NOTCH2: variants seen among roughly 807,000 people sequenced by gnomAD.
NOTCH2 encodes the protein notch receptor 2.
Under a neutral mutation model 235.8 loss-of-function variants are expected in NOTCH2, and 29 were observed. The observed-to-expected ratio is 0.12, with a 90% CI of 0.09 to 0.17. The LOEUF is 0.17. Among genes scored for constraint, NOTCH2 ranks in the 10% least tolerant of loss-of-function variants. NOTCH2 has a pLI of 1.00. For missense variants in NOTCH2, 2,285 were observed against 3,150.2 expected, an observed-to-expected ratio of 0.73 and a Z score of 6.57; for synonymous variants, 1,086 against 1,141.5, an observed-to-expected ratio of 0.95 and a Z score of 0.98.
intron 1 of NOTCH2, among the ~76,000 whole-genome samples, chr1:120,033,841 T>C (rs1358058557): frequency 2.6e-5 from 4 of 152,214 alleles, no homozygotes; most frequent in Non-Finnish European, 5.9e-5. Context: ...TACCTTTTAA[T>C]TGTTCTACAT....
chr1:120,007,689 T>C (rs1253547342), intron 2 of NOTCH2, among the ~76,000 whole-genome samples: 3 of 151,808 alleles, frequency 2.0e-5, no homozygotes, highest in Non-Finnish European at 4.4e-5. Context: ...TGAGATTCCA[T>C]CTCAAAAAAA....
At position 119,915,055 on chromosome 1, in the gene NOTCH2, C is replaced by T; in HGVS notation, c.*251G>A. On this transcript the variant is annotated 3_prime_UTR_variant, in exon 34 of 34. Coordinates refer to ENST00000256646, the MANE Select transcript of NOTCH2 (RefSeq NM_024408.4). ...CAAATAGAAGAGAGTAAACATGGAC[C>T]CAAGGCTTGTATTCATCTTGCATTT... 3.7e-6 allele frequency: 2 copies of T among 544,420 alleles called. No homozygotes were observed. The highest frequency in any genetic ancestry group is 6.6e-6 in the Non-Finnish European group (2 of 301,812). The allele number at this position is 544,420 out of a possible 1,614,324, so 33.7% of individuals were successfully genotyped here.
At chr1:120,007,473 C>G (rs1261109963) in intron 2 of NOTCH2, among the ~76,000 whole-genome samples, 2 of 129,650 alleles carry the variant, frequency 1.5e-5, no homozygotes, top group Admixed American at 6.9e-5. Flanking sequence ...TGAGGACCAT[C>G]TGAGGTCAGG....
chr1:119,924,431 T>TATTA (rs1649394213), intron 25 of NOTCH2, among the ~76,000 whole-genome samples: 1 of 152,120 alleles, frequency 6.6e-6, no homozygotes, highest in African/African-American at 2.4e-5. Flanking sequence ...CAGAGAACAA[T>TATTA]ATTAACATGA....
Position 119,948,535 on chromosome 1 carries a change from A to G in NOTCH2, c.2631T>C (p.Cys877=). 1 of 1,614,188 alleles carries G rather than the reference A, an allele frequency of 6.2e-7. No individual in the cohort carries two copies. Among genetic ancestry groups the G allele is most frequent in the Non-Finnish European group, 8.5e-7 (1 of 1,180,036 alleles). Residue 877 remains cysteine (C), a synonymous_variant, in exon 17 of 34, where the codon TGT becomes TGC. Coordinates refer to ENST00000256646, the MANE Select transcript of NOTCH2 (RefSeq NM_024408.4). ...CATGGTTCATGCAGGGCTTGGAGATACACTCGTCAATGTCAATGGTACACC... is the reference window on the plus strand; with the variant it reads ...CATGGTTCATGCAGGGCTTGGAGATGCACTCGTCAATGTCAATGGTACACC... ...GQRCTIDIDE[C]ISKPCMNHGL...
chr1:119,999,976 A>AAAGAAAGAAAGGAAGG (rs1270244149), intron 3 of NOTCH2, among the ~76,000 whole-genome samples: 166 of 56,546 alleles, frequency 2.9e-3, no homozygotes, highest in Admixed American at 3.5e-3. Flanking sequence ...AGAAAGAAAG[A>AAAGAAAGAAAGGAAGG]AAGGAAGGAA....
chr1:120,004,220 G>A (rs2725916), intron 3 of NOTCH2, among the ~76,000 whole-genome samples: 5,877 of 150,566 alleles, frequency 0.039, no homozygotes, highest in East Asian at 0.12. Context: ...GAAATGGGAG[G>A]AATAGACAGG....
intron 17 of NOTCH2, among the ~76,000 whole-genome samples, chr1:119,943,715 T>C (rs192139371): frequency 2.6e-5 from 4 of 151,952 alleles, no homozygotes; most frequent in Admixed American, 2.6e-4. Flanking sequence ...TCAAAATGAG[T>C]AGAAAAAATA....
chr1:119,936,636 C>A lies in NOTCH2; in HGVS notation c.3522+646G>T, dbSNP rs182628989. Among the ~76,000 whole-genome samples, 4 of 152,228 alleles carry A rather than the reference C, an allele frequency of 2.6e-5. No homozygotes were observed. The East Asian group carries it at 7.7e-4, about 29-fold the overall frequency. ...CAAAATACAGAAGCTATCGTTGGCTCATTTATATAACAATAGAGAAGCAAA... is the reference window on the plus strand; with the variant it reads ...CAAAATACAGAAGCTATCGTTGGCTAATTTATATAACAATAGAGAAGCAAA... On this transcript the variant is annotated intron_variant, in intron 21 of 33. Coordinates refer to ENST00000256646, the MANE Select transcript of NOTCH2 (RefSeq NM_024408.4).
At chr1:119,980,610 C>A (rs1423898435) in intron 5 of NOTCH2, among the ~76,000 whole-genome samples, 1 of 152,108 alleles carries the variant, frequency 6.6e-6, no homozygotes, top group Non-Finnish European at 1.5e-5. Context: ...TTTCTAATGA[C>A]TCAAATATTC....
chr1:119,912,019 G>C lies in NOTCH2; in HGVS notation c.*3287C>G, dbSNP rs779190151. The C allele has an allele frequency of 7.7e-5, 18 of 233,470 alleles. No individual in the cohort carries two copies. Among genetic ancestry groups the C allele is most frequent in the Admixed American group, 3.4e-4 (6 of 17,778 alleles). 14.5% of individuals were successfully genotyped at this position (233,470 alleles called of 1,614,324 possible). A position where few individuals can be genotyped will look rare whatever the true frequency, so the allele number is the denominator to read the frequency against. ...TCATGAGGTAACACTGCCAGGCCAT[G>C]GATGCAGTATTGGAAAATAAAAAAT... On this transcript the variant is annotated 3_prime_UTR_variant, in exon 34 of 34. Coordinates refer to ENST00000256646, the MANE Select transcript of NOTCH2 (RefSeq NM_024408.4).
At chr1:119,999,963 GAAAGAAAGA>G (rs1652666972) in intron 3 of NOTCH2, among the ~76,000 whole-genome samples, 27 of 128,092 alleles carry the variant, frequency 2.1e-4, no homozygotes, top group East Asian at 4.4e-4. Context: ...AAGAAAGAAA[GAAAGAAAGA>G]AAGAAAGGAA....
chr1:119,990,640 G>C lies in NOTCH2; in HGVS notation c.752-3558C>G, dbSNP rs76885891. Among the ~76,000 whole-genome samples the C allele has an allele frequency of 2.6e-4, 39 of 147,194 alleles. No individual in the cohort carries two copies. In the East Asian group the frequency reaches 3.1e-3, roughly 12 times the overall value. On this transcript the variant is annotated intron_variant, in intron 4 of 33. Coordinates refer to ENST00000256646, the MANE Select transcript of NOTCH2 (RefSeq NM_024408.4). The stretch of plus-strand genomic sequence containing the variant: ...AAGTTGAGAGCCACATGGCTGACTT[G>C]ACCAAGATTAAACGGCTAGTAAGTA...
intron 33 of NOTCH2, 57 bp downstream of exon 33, chr1:119,917,608 G>T: frequency 9.1e-7 from 1 of 1,099,552 alleles, no homozygotes; most frequent in Non-Finnish European, 1.4e-6. Flanking sequence ...ACGGGAATGG[G>T]CTTATAACTG....
chr1:120,006,960 T>C (rs1553206378), intron 2 of NOTCH2, among the ~76,000 whole-genome samples: 1 of 152,144 alleles, frequency 6.6e-6, no homozygotes, highest in Non-Finnish European at 1.5e-5. Context: ...AGACAGAAAA[T>C]GCCCAGAAGA....
chr1:119,967,302 TCCCCA>T, intron 8 of NOTCH2, 126 bp downstream of exon 8: 1 of 879,522 alleles, frequency 1.1e-6, no homozygotes, highest in Non-Finnish European at 1.9e-6. Flanking sequence ...CTTCCTCTAG[TCCCCA>T]GTCAGCAAAG....
chr1:119,955,873 T>G (rs1340034085), intron 12 of NOTCH2, among the ~76,000 whole-genome samples: 1 of 152,240 alleles, frequency 6.6e-6, no homozygotes, highest in Non-Finnish European at 1.5e-5. Context: ...AGACCTATGG[T>G]TCTTAAACTT....
At chr1:120,042,006 C>A (rs374773489) in intron 1 of NOTCH2, among the ~76,000 whole-genome samples, 1 of 145,776 alleles carries the variant, frequency 6.9e-6, no homozygotes, top group Non-Finnish European at 1.5e-5. Context: ...AAAGAGCAAG[C>A]GAGCGAGCGA....
chr1:119,977,887 C>A (rs1323047915), intron 5 of NOTCH2, among the ~76,000 whole-genome samples: 1 of 152,154 alleles, frequency 6.6e-6, no homozygotes, highest in Non-Finnish European at 1.5e-5. Flanking sequence ...CACACACACG[C>A]ACACAAACAC....
Sources: allele counts gnomAD v4.1 joint callset (sites outside exome capture counted in the v4.1 genomes callset), GRCh38; gene constraint gnomAD v4.1.1; transcripts MANE v1.5; gene names NCBI Gene and HGNC (gene_info 2026-07-23, HGNC 2026-07-21).